The following PLEKHA5 variants were observed in gnomAD, a reference collection of about 807,000 sequenced individuals.
PLEKHA5 encodes the protein pleckstrin homology domain containing A5, also known as pleckstrin homology domain-containing family A member 5.
In PLEKHA5, 55 loss-of-function variants were observed where a neutral mutation model predicts 181.9. The ratio of observed to expected loss-of-function variants is 0.30; its 90% CI spans 0.24 to 0.38. PLEKHA5 has a LOEUF of 0.38. PLEKHA5 is among the 10% of genes least tolerant of loss of function. PLEKHA5 has a pLI of 1.00. For missense variants in PLEKHA5, 1,432 were observed against 1,549.5 expected, an observed-to-expected ratio of 0.92 and a Z score of 1.27; for synonymous variants, 535 against 529.4, an observed-to-expected ratio of 1.01 and a Z score of -0.15.
intron 3 of PLEKHA5, among the ~76,000 whole-genome samples, chr12:19,230,603 G>A (rs917627628): frequency 6.6e-6 from 1 of 152,186 alleles, no homozygotes; most frequent in Non-Finnish European, 1.5e-5. Context: ...TGGCCTGGGT[G>A]CTAAGCCCCT....
At chr12:19,237,434 C>T (rs1050484205) in intron 3 of PLEKHA5, among the ~76,000 whole-genome samples, 1 of 152,010 alleles carries the variant, frequency 6.6e-6, no homozygotes, top group Non-Finnish European at 1.5e-5. Flanking sequence ...GCCCCTAGAC[C>T]TCCAAAGATA....
At chr12:19,296,775 A>T (rs191333805) in intron 15 of PLEKHA5, among the ~76,000 whole-genome samples, 7,994 of 152,220 alleles carry the variant, frequency 0.053, 268 homozygotes, top group South Asian at 0.079. Context: ...GGAGCTGAAG[A>T]CAGGAAGCAG....
At chr12:19,300,829 T>A (rs930631960) in intron 15 of PLEKHA5, among the ~76,000 whole-genome samples, 1 of 152,130 alleles carries the variant, frequency 6.6e-6, no homozygotes, top group Non-Finnish European at 1.5e-5. Flanking sequence ...ATCTAGAAGT[T>A]ATTTTAATTT....
In PLEKHA5 at chr12:19,236,771, A is replaced by C. The variant is rs538256252; in HGVS notation, c.228-17169A>C. Among the ~76,000 whole-genome samples, 11 of 152,294 alleles carry C rather than the reference A, an allele frequency of 7.2e-5. No individual in the cohort carries two copies. In the South Asian group the frequency reaches 2.3e-3, roughly 32 times the overall value. On this transcript the variant is annotated intron_variant, in intron 3 of 31. Transcript: ENST00000429027. ...TATTTTACTCTTATGGCTGGAAGGC[A>C]TGCATAATCACAACAGATTCTTCCT... is the stretch of plus-strand genomic sequence containing the variant.
chr12:19,265,890 T>G (rs776246050), intron 8 of PLEKHA5, 40 bp downstream of exon 8: 4 of 1,111,376 alleles, frequency 3.6e-6, no homozygotes, highest in Non-Finnish European at 5.4e-6. Flanking sequence ...TGTTCAAAAC[T>G]TGCGTTGGTT....
At position 19,157,563 on chromosome 12, in the gene PLEKHA5, C is replaced by T. The variant is rs1438158506; in HGVS notation, c.227+25113C>T. 2.6e-5 allele frequency among the ~76,000 whole-genome samples: 4 copies of T among 151,700 alleles called. No individual in the cohort carries two copies. In the East Asian group the frequency reaches 7.7e-4, roughly 29 times the overall value. On this transcript the variant is annotated intron_variant, in intron 3 of 31. Transcript: ENST00000429027. ...TTTGTCCACTTGTTTTGTGTATTAT[C>T]TTCTGTTTATGGAACACTTAACTAT...
intron 3 of PLEKHA5, among the ~76,000 whole-genome samples, chr12:19,210,543 T>G (rs1410852033): frequency 6.6e-6 from 1 of 152,204 alleles, no homozygotes; most frequent in Non-Finnish European, 1.5e-5. Flanking sequence ...TTGGGTTATT[T>G]TCCATTCCAG....
chr12:19,275,851 C>G (rs1042581005), intron 11 of PLEKHA5, among the ~76,000 whole-genome samples: 1 of 152,112 alleles, frequency 6.6e-6, no homozygotes, highest in African/African-American at 2.4e-5. Context: ...TTTGCAACTA[C>G]TATATGCTAA....
intron 15 of PLEKHA5, among the ~76,000 whole-genome samples, chr12:19,301,415 T>C (rs1026063960): frequency 5.3e-5 from 8 of 152,076 alleles, no homozygotes; most frequent in African/African-American, 1.9e-4. Flanking sequence ...GGGATAAACA[T>C]AGTAGTAGCC....
At chr12:19,340,921 C>T (rs374159986) in intron 21 of PLEKHA5, among the ~76,000 whole-genome samples, 209 of 139,736 alleles carry the variant, frequency 1.5e-3, no homozygotes, top group Middle Eastern at 3.8e-3. Flanking sequence ...TCCCCCTCTG[C>T]GAGAAACACC....
chr12:19,202,553 A>G (rs1304212029), intron 3 of PLEKHA5, among the ~76,000 whole-genome samples: 1 of 151,848 alleles, frequency 6.6e-6, no homozygotes, highest in African/African-American at 2.4e-5. Context: ...CCAGCTTCAC[A>G]AATGGTTCTG....
At chr12:19,345,238 A>G (rs2094235788) in intron 22 of PLEKHA5, among the ~76,000 whole-genome samples, 1 of 151,836 alleles carries the variant, frequency 6.6e-6, no homozygotes, top group South Asian at 2.1e-4. Context: ...CATCTCTACT[A>G]AAAATACAAA....
chr12:19,130,258 C>G lies in PLEKHA5; in HGVS notation c.169+128C>G. 2.4e-6 allele frequency: 1 copy of G among 412,474 alleles called. No individual in the cohort carries two copies. Among genetic ancestry groups the G allele is most frequent in the Non-Finnish European group, 3.9e-6 (1 of 253,578 alleles). 25.6% of individuals were successfully genotyped at this position (412,474 alleles called of 1,614,324 possible). A position where few individuals can be genotyped will look rare whatever the true frequency, so the allele number is the denominator to read the frequency against. ...GCGGCGAGGCGGGGCGGAGGCCGGG[C>G]GGGAGCGGCCGCAGGTAGAGGGGCC... On this transcript the variant is annotated intron_variant, in intron 2 of 31. Transcript: ENST00000429027. The surrounding 1 kb of genome is among the most constrained non-coding windows in gnomAD (Gnocchi z 4.5).
At chr12:19,231,536 A>G (rs1052039427) in intron 3 of PLEKHA5, among the ~76,000 whole-genome samples, 3 of 148,474 alleles carry the variant, frequency 2.0e-5, no homozygotes, top group African/African-American at 7.4e-5. Context: ...ATATGTACAC[A>G]TATATATGTA....
chr12:19,255,292 T>G, intron 5 of PLEKHA5, 127 bp downstream of exon 5: 1 of 542,550 alleles, frequency 1.8e-6, no homozygotes, highest in Admixed American at 4.1e-5. Context: ...TGAAGGTAAT[T>G]GATATAAGAA....
At chr12:19,360,471 G>C (rs1381080674) in intron 28 of PLEKHA5, among the ~76,000 whole-genome samples, 3 of 151,838 alleles carry the variant, frequency 2.0e-5, no homozygotes, top group Non-Finnish European at 4.4e-5. Flanking sequence ...GCCAGGCACA[G>C]TGACACATGC....
intron 3 of PLEKHA5, among the ~76,000 whole-genome samples, chr12:19,183,885 T>C (rs926580383): frequency 6.6e-6 from 1 of 152,024 alleles, no homozygotes; most frequent in Admixed American, 6.6e-5. Flanking sequence ...AGCTAATTTT[T>C]GTGTTTTTTT....
At chr12:19,367,316 C>T (rs1276945835) in intron 30 of PLEKHA5, among the ~76,000 whole-genome samples, 3 of 120,094 alleles carry the variant, frequency 2.5e-5, no homozygotes, top group South Asian at 2.6e-4. Context: ...AGTGATGTGG[C>T]GTGATCTCAG....
chr12:19,348,769 A>G (rs533303549), intron 25 of PLEKHA5, among the ~76,000 whole-genome samples: 12 of 152,232 alleles, frequency 7.9e-5, no homozygotes, highest in Non-Finnish European at 1.3e-4. Flanking sequence ...TATTTCTACA[A>G]TATTCATTCC....
Sources: allele counts gnomAD v4.1 joint callset (sites outside exome capture counted in the v4.1 genomes callset), GRCh38; gene constraint gnomAD v4.1.1; non-coding constraint Gnocchi (gnomAD v3.1); transcripts MANE v1.5; gene names NCBI Gene and HGNC (gene_info 2026-07-23, HGNC 2026-07-21).